The following ZNF83 variants were observed in gnomAD, a reference collection of about 807,000 sequenced individuals.
ZNF83 encodes zinc finger protein 83.
For missense variants in ZNF83, 552 were observed against 629.9 expected (o/e 0.88, Z 1.32); for synonymous variants, 209 against 213.0 (o/e 0.98, Z 0.17).
chr19:52,628,128 G>A (rs2147139201), intron 2 of ZNF83, among the ~76,000 whole-genome samples: 1 of 152,194 alleles, frequency 6.6e-6, no homozygotes, highest in Non-Finnish European at 1.5e-5. Flanking sequence ...CTGCACCCAG[G>A]TGAAATAAAG....
rs528008123 is a variant in ZNF83, at chr19:52,618,426, A to AT, written c.-233-3630dup. The AT allele has an allele frequency of 3.6e-3, 559 of 153,750 alleles. 5 individuals are homozygous for AT. Among genetic ancestry groups the AT allele is most frequent in the African/African-American group, 0.013 (528 of 41,168 alleles). 9.5% of individuals were successfully genotyped at this position (153,750 alleles called of 1,614,324 possible). A position where few individuals can be genotyped will look rare whatever the true frequency, so the allele number is the denominator to read the frequency against. On this transcript the variant is annotated intron_variant, in intron 2 of 2. Coordinates refer to ENST00000301096, the Ensembl canonical transcript of ZNF83. Reference sequence around the variant, plus strand: ...AGGTGCCCACCACCACACCCGGCTAATTTTTTTTTGTATTTTTAGTAGAGA... The same window carrying AT: ...AGGTGCCCACCACCACACCCGGCTAATTTTTTTTTTGTATTTTTAGTAGAGA...
intron 2 of ZNF83, among the ~76,000 whole-genome samples, chr19:52,624,453 C>A (rs564355102): frequency 3.7e-4 from 57 of 152,304 alleles, no homozygotes; most frequent in African/African-American, 1.3e-3. Flanking sequence ...GATACTTTCA[C>A]CTTTGGACAC....
chr19:52,625,504 C>G (rs184295821), intron 2 of ZNF83, among the ~76,000 whole-genome samples: 47 of 152,234 alleles, frequency 3.1e-4, no homozygotes, highest in African/African-American at 9.6e-4. Flanking sequence ...CTGGAATTCC[C>G]CTGGGGAACT....
intron 3 of ZNF83, chr19:52,655,464 C>T: frequency 8.7e-7 from 1 of 1,143,672 alleles, no homozygotes; most frequent in Non-Finnish European, 1.3e-6. Flanking sequence ...ACATCAAAAG[C>T]ATGTATGCGG....
upstream of ZNF83, among the ~76,000 whole-genome samples, chr19:52,639,355 G>T: frequency 6.6e-6 from 1 of 151,038 alleles, no homozygotes; most frequent in South Asian, 2.1e-4. Context: ...CAAAGTGCTG[G>T]GATTACAGGT....
At chr19:52,666,618 C>CAAAA (rs59937542) in intron 1 of ZNF83, among the ~76,000 whole-genome samples, 7 of 105,798 alleles carry the variant, frequency 6.6e-5, no homozygotes, top group African/African-American at 6.7e-5. Context: ...TATCCTAAGT[C>CAAAA]AAAAAAAAAA....
intron 2 of ZNF83, among the ~76,000 whole-genome samples, chr19:52,630,954 T>C (rs1329395633): frequency 6.7e-6 from 1 of 149,858 alleles, no homozygotes; most frequent in African/African-American, 2.5e-5. Flanking sequence ...CACCCCATGG[T>C]GCCAAACCCA....
upstream of ZNF83, among the ~76,000 whole-genome samples, chr19:52,641,550 A>T (rs329954): frequency 4.8e-4 from 73 of 151,900 alleles, no homozygotes; most frequent in East Asian, 0.012. Context: ...GAACTGATTT[A>T]GTGCTTTCCA....
At chr19:52,659,417 A>G (rs909184163) in intron 2 of ZNF83, among the ~76,000 whole-genome samples, 32 of 152,318 alleles carry the variant, frequency 2.1e-4, no homozygotes, top group Non-Finnish European at 4.4e-4. Context: ...TCAGCTCAAC[A>G]GAAACGGTAT....
intron 2 of ZNF83, chr19:52,618,745 A>C: frequency 9.2e-7 from 1 of 1,088,110 alleles, no homozygotes; most frequent in Non-Finnish European, 1.3e-6. Context: ...CCACTGAGCT[A>C]TCATGAAGAA....
intron 1 of ZNF83, among the ~76,000 whole-genome samples, chr19:52,679,265 G>A (rs1037866140): frequency 6.6e-6 from 1 of 152,272 alleles, no homozygotes; most frequent in Admixed American, 6.5e-5. Context: ...ATTAGTTTAT[G>A]GGATGAACAT....
At chr19:52,669,116 C>G (rs1208264823) in intron 1 of ZNF83, among the ~76,000 whole-genome samples, 1 of 152,168 alleles carries the variant, frequency 6.6e-6, no homozygotes, top group Non-Finnish European at 1.5e-5. Flanking sequence ...TTATGGTGGA[C>G]CTTTACTGGA....
At chr19:52,657,846 TA>T (rs998581229) in intron 2 of ZNF83, among the ~76,000 whole-genome samples, 23 of 139,114 alleles carry the variant, frequency 1.7e-4, no homozygotes, top group South Asian at 2.3e-4. Flanking sequence ...AAACTCTGTC[TA>T]AAAAAAAAAA....
intron 1 of ZNF83, among the ~76,000 whole-genome samples, chr19:52,682,084 G>C (rs2061931672): frequency 6.6e-6 from 1 of 152,058 alleles, no homozygotes. Flanking sequence ...CCGACCTCAT[G>C]ATTCACCCTC....
intron 2 of ZNF83, among the ~76,000 whole-genome samples, chr19:52,615,931 C>T (rs896012766): frequency 2.0e-5 from 3 of 152,208 alleles, no homozygotes; most frequent in Admixed American, 6.5e-5. Context: ...CTCCGCCACA[C>T]GAGTTCAAGC....
intron 1 of ZNF83, among the ~76,000 whole-genome samples, chr19:52,687,097 C>A (rs1428090959): frequency 6.6e-6 from 1 of 150,644 alleles, no homozygotes; most frequent in Non-Finnish European, 1.5e-5. Flanking sequence ...AGGAGAATTG[C>A]TTGAACCCAG....
chr19:52,656,949 A>G (rs187432275), intron 2 of ZNF83, among the ~76,000 whole-genome samples: 19 of 152,108 alleles, frequency 1.2e-4, no homozygotes, highest in Admixed American at 2.6e-4. Flanking sequence ...ACACACTTCA[A>G]TTAACTTCAG....
At chr19:52,657,916 C>A (rs1419564451) in intron 2 of ZNF83, among the ~76,000 whole-genome samples, 1 of 151,124 alleles carries the variant, frequency 6.6e-6, no homozygotes, top group African/African-American at 2.4e-5. Flanking sequence ...GCGGGGGGAT[C>A]ACCTGAGGTT....
At chr19:52,616,121 A>T (rs183426872) in intron 2 of ZNF83, among the ~76,000 whole-genome samples, 1 of 152,366 alleles carries the variant, frequency 6.6e-6, no homozygotes, top group African/African-American at 2.4e-5. Context: ...TTCAGGTGTG[A>T]GCCACTGCGC....
Sources: gnomAD v4.1 joint callset for allele counts (sites outside exome capture counted in the v4.1 genomes callset) on GRCh38, gnomAD v4.1.1 for gene constraint, MANE v1.5 for transcripts, NCBI Gene and HGNC (gene_info 2026-07-23, HGNC 2026-07-21) for gene names.